MAP3K10: variants seen among roughly 807,000 people sequenced by gnomAD.
The protein encoded by MAP3K10 is mitogen-activated protein kinase kinase kinase 10, also known as MKN28 derived nonreceptor_type serine/threonine kinase.
Under a neutral mutation model 75.0 loss-of-function variants are expected in MAP3K10, and 22 were observed. The ratio of observed to expected loss-of-function variants is 0.29; its 90% CI spans 0.21 to 0.42. The LOEUF is 0.42. MAP3K10 is among the 10% of genes least tolerant of loss of function. The pLI, the probability that MAP3K10 is intolerant of heterozygous loss-of-function variation, is 1.00. For synonymous variants in MAP3K10, 599 were observed against 612.9 expected, an observed-to-expected ratio of 0.98 and a Z score of 0.34; for missense variants, 1,165 against 1,379.8, an observed-to-expected ratio of 0.84 and a Z score of 2.47.
In MAP3K10 at chr19:40,198,219, C is replaced by T. The variant is rs1419424346; in HGVS notation, c.683-156C>T. On this transcript the variant is annotated intron_variant, in intron 1 of 9. Transcript: ENST00000253055. The surrounding 1 kb of genome is among the most constrained non-coding windows in gnomAD (Gnocchi z 4.3). ...GGGATTAGACCTGGGCGGAGGGGCT[C>T]ATGGATGTTCCAGGCCAGGAAAGGA... Among the ~76,000 whole-genome samples, 1 of 152,136 alleles carries T rather than the reference C, an allele frequency of 6.6e-6. No individual in the cohort carries two copies. Among genetic ancestry groups the T allele is most frequent in the Non-Finnish European group, 1.5e-5 (1 of 68,024 alleles).
intron 9 of MAP3K10, 105 bp downstream of exon 9, chr19:40,214,326 GCTT>G (rs1024721730): frequency 1.4e-5 from 17 of 1,247,736 alleles, no homozygotes; most frequent in African/African-American, 1.6e-5. Context: ...GCCACCTCCT[GCTT>G]CTTGTGGAGG....
Position 40,198,346 on chromosome 19 carries a change from G to T in MAP3K10, c.683-29G>T. ...TGGGTCTGCGGCGTGGCAGGTCTGG[G>T]GTGACCCACCTTTCTTCCCACCCCA... On this transcript the variant is annotated intron_variant, in intron 1 of 9. Coordinates refer to ENST00000253055, the MANE Select transcript of MAP3K10 (RefSeq NM_002446.4). The surrounding 1 kb of genome is among the most constrained non-coding windows in gnomAD (Gnocchi z 4.3). 1 of 1,594,462 alleles carries T rather than the reference G, an allele frequency of 6.3e-7. No homozygotes were observed. Among genetic ancestry groups the T allele is most frequent in the Non-Finnish European group, 8.6e-7 (1 of 1,169,046 alleles).
chr19:40,207,488 C>T (rs1346663030), intron 5 of MAP3K10, among the ~76,000 whole-genome samples: 1 of 152,138 alleles, frequency 6.6e-6, no homozygotes, highest in East Asian at 1.9e-4. Flanking sequence ...GTAATCCCAG[C>T]ACTTTTTGGG....
chr19:40,213,003 C>A lies in MAP3K10; in HGVS notation c.1724+27C>A, dbSNP rs1265617793. 1.3e-6 allele frequency: 2 copies of A among 1,591,980 alleles called. No individual in the cohort carries two copies. The highest frequency in any genetic ancestry group is 1.1e-5 in the South Asian group (1 of 87,392). ...TGAGGTGTGGTGTGGTCATGCCCAC[C>A]CTGTGCCCAAGCCCCAGCTCCCAGG... is the stretch of plus-strand genomic sequence containing the variant. On this transcript the variant is annotated intron_variant, in intron 7 of 9. Coordinates refer to ENST00000253055, the MANE Select transcript of MAP3K10 (RefSeq NM_002446.4). This position sits in a 1 kb window ranked among gnomAD's most constrained non-coding sequence, Gnocchi z 5.7.
chr19:40,194,140 C>T (rs991861975), intron 1 of MAP3K10, among the ~76,000 whole-genome samples: 1 of 152,158 alleles, frequency 6.6e-6, no homozygotes, highest in African/African-American at 2.4e-5. Flanking sequence ...GTGGGTGCAT[C>T]ACCCGAGGTC....
In MAP3K10 at chr19:40,206,021, C is replaced by A. The variant is rs1409718146; in HGVS notation, c.1299C>A (p.Ile433=). 6.2e-6 allele frequency: 10 copies of A among 1,613,074 alleles called. No individual in the cohort carries two copies. Among genetic ancestry groups the A allele is most frequent in the Non-Finnish European group, 8.5e-6 (10 of 1,179,590 alleles). The stretch of plus-strand genomic sequence containing the variant: ...AGCTGGCAGAACGTGAGATGGACAT[C>A]GTGGAACGGGAGCTGCACCTGCTCA... ...EQELAEREMD[I]VERELHLLMC... Residue 433 remains isoleucine, a synonymous_variant, in exon 5 of 10, where the codon ATC becomes ATA. Transcript: ENST00000253055.
Position 40,198,601 on chromosome 19 carries a change from G to T in MAP3K10, c.863+46G>T. On this transcript the variant is annotated intron_variant, in intron 2 of 9. Coordinates refer to ENST00000253055, the MANE Select transcript of MAP3K10 (RefSeq NM_002446.4). This position sits in a 1 kb window ranked among gnomAD's most constrained non-coding sequence, Gnocchi z 4.3. ...GATGGCCTCTGGGGAGTAAGGGAGG[G>T]AGGAAGGGGTGAGGGCAGAGTGGGA... 6.4e-7 allele frequency: 1 copy of T among 1,557,758 alleles called. No individual in the cohort carries two copies. The highest frequency in any genetic ancestry group is 1.2e-5 in the South Asian group (1 of 84,590).
At position 40,205,896 on chromosome 19, in the gene MAP3K10, G is replaced by A. The variant is rs761572394; in HGVS notation, c.1189-15G>A. Reference sequence around the variant, plus strand: ...AGCTAAGCCCCTCCCCCCAGCCACCGCCTCTCCTTCCCAGGAGCTTCGGAG... The same window carrying A: ...AGCTAAGCCCCTCCCCCCAGCCACCACCTCTCCTTCCCAGGAGCTTCGGAG... On this transcript the variant is annotated splice_polypyrimidine_tract_variant and intron_variant, in intron 4 of 9. Coordinates refer to ENST00000253055, the MANE Select transcript of MAP3K10 (RefSeq NM_002446.4). This position sits in a 1 kb window ranked among gnomAD's most constrained non-coding sequence, Gnocchi z 4.3. 1.2e-5 allele frequency: 18 copies of A among 1,521,088 alleles called. No individual in the cohort carries two copies. The highest frequency in any genetic ancestry group is 8.4e-5 in the Admixed American group (4 of 47,634). The allele number at this position is 1,521,088 out of a possible 1,614,324, so 94.2% of individuals were successfully genotyped here.
intron 5 of MAP3K10, among the ~76,000 whole-genome samples, chr19:40,207,650 G>C (rs963738855): frequency 6.6e-6 from 1 of 152,004 alleles, no homozygotes; most frequent in Non-Finnish European, 1.5e-5. Context: ...CAGGAGAATC[G>C]CTTGAACCTG....
chr19:40,212,575 T>C lies in MAP3K10; in HGVS notation c.1553-230T>C, dbSNP rs1009954880. On this transcript the variant is annotated intron_variant, in intron 6 of 9. Coordinates refer to ENST00000253055, the MANE Select transcript of MAP3K10 (RefSeq NM_002446.4). This position sits in a 1 kb window ranked among gnomAD's most constrained non-coding sequence, Gnocchi z 4.2. ...GAAGAGGAGGGGAGGCTGGAGGAGT[T>C]GGCAGGGAACCGCTCATGGCCTTCA... 6.6e-6 allele frequency among the ~76,000 whole-genome samples: 1 copy of C among 152,112 alleles called. No homozygotes were observed. Among genetic ancestry groups the C allele is most frequent in the Admixed American group, 6.5e-5 (1 of 15,278 alleles).
In MAP3K10 at chr19:40,205,797, C is replaced by T. The variant is rs1218918704; in HGVS notation, c.1189-114C>T. On this transcript the variant is annotated intron_variant, in intron 4 of 9. Transcript: ENST00000253055. The surrounding 1 kb of genome is among the most constrained non-coding windows in gnomAD (Gnocchi z 4.3). ...GAGTCGGGTGGTGAAACCAGTGTAC[C>T]CCACAGCAAGGTACCCTTGTGTGAG... The T allele has an allele frequency of 6.7e-6, 8 of 1,195,880 alleles. No homozygotes were observed. Among genetic ancestry groups the T allele is most frequent in the Non-Finnish European group, 1.1e-6 (1 of 888,528 alleles). 74.1% of individuals were successfully genotyped at this position (1,195,880 alleles called of 1,614,324 possible).
At position 40,191,696 on chromosome 19, in the gene MAP3K10, C is replaced by A; in HGVS notation, c.-336C>A. 1 of 212,750 alleles carries A rather than the reference C, an allele frequency of 4.7e-6. No homozygotes were observed. The highest frequency in any genetic ancestry group is 9.2e-6 in the Non-Finnish European group (1 of 108,156). 13.2% of individuals were successfully genotyped at this position (212,750 alleles called of 1,614,324 possible). A position where few individuals can be genotyped will look rare whatever the true frequency, so the allele number is the denominator to read the frequency against. The stretch of plus-strand genomic sequence containing the variant: ...CGCGGGGAACGGGGACTGCCTGCCG[C>A]CCTCGCCCTCGTCCCCCACCGGCGG... On this transcript the variant is annotated 5_prime_UTR_variant, in exon 1 of 10. Transcript: ENST00000253055.
At chr19:40,203,226 C>T (rs555119710) in intron 2 of MAP3K10, among the ~76,000 whole-genome samples, 1 of 152,150 alleles carries the variant, frequency 6.6e-6, no homozygotes, top group South Asian at 2.1e-4. Flanking sequence ...GTAATCCCAG[C>T]TACTTGGGAG....
In MAP3K10 at chr19:40,204,829, G is replaced by A; in HGVS notation, c.1012+196G>A. 1.4e-6 allele frequency: 1 copy of A among 696,762 alleles called. No individual in the cohort carries two copies. The highest frequency in any genetic ancestry group is 2.0e-5 in the South Asian group (1 of 50,008). The allele number at this position is 696,762 out of a possible 1,614,324, so 43.2% of individuals were successfully genotyped here. ...ACATCCCAGCCCTTGTTTGGGCCAGGCCCAGAGCTCTCAGGACAACCTGTT... is the reference window on the plus strand; with the variant it reads ...ACATCCCAGCCCTTGTTTGGGCCAGACCCAGAGCTCTCAGGACAACCTGTT... On this transcript the variant is annotated intron_variant, in intron 3 of 9. Coordinates refer to ENST00000253055, the MANE Select transcript of MAP3K10 (RefSeq NM_002446.4). The surrounding 1 kb of genome is among the most constrained non-coding windows in gnomAD (Gnocchi z 4.3).
rs76108009 is a variant in MAP3K10, at chr19:40,198,226, G to A, written c.683-149G>A. Reference sequence around the variant, plus strand: ...GACCTGGGCGGAGGGGCTCATGGATGTTCCAGGCCAGGAAAGGACCTGCCA... The same window carrying A: ...GACCTGGGCGGAGGGGCTCATGGATATTCCAGGCCAGGAAAGGACCTGCCA... On this transcript the variant is annotated intron_variant, in intron 1 of 9. Coordinates refer to ENST00000253055, the MANE Select transcript of MAP3K10 (RefSeq NM_002446.4). This position sits in a 1 kb window ranked among gnomAD's most constrained non-coding sequence, Gnocchi z 4.3. 1.4e-4 allele frequency: 97 copies of A among 691,138 alleles called. 1 individual carries two copies. The East Asian group carries it at 2.7e-3, about 19-fold the overall frequency. 42.8% of individuals were successfully genotyped at this position (691,138 alleles called of 1,614,324 possible).
chr19:40,214,322 T>A (rs1973309144), intron 9 of MAP3K10, 101 bp downstream of exon 9: 1 of 1,275,548 alleles, frequency 7.8e-7, no homozygotes, highest in Non-Finnish European at 1.0e-6. Context: ...GGCAGCCACC[T>A]CCTGCTTCTT....
chr19:40,215,142 C>T lies in MAP3K10; in HGVS notation c.2715C>T (p.Gly905=), dbSNP rs777204752. 2.5e-5 allele frequency: 41 copies of T among 1,609,826 alleles called. No homozygotes were observed. The South Asian group carries it at 4.4e-4, about 17-fold the overall frequency. The change falls in exon 10 of 10, where the codon GGC becomes GGT. Residue 905 remains glycine, a synonymous_variant. Transcript: ENST00000253055. ...RLDPWKLVSF[G]RTLTISPPSR... ...ACCCCTGGAAACTGGTCTCCTTCGG[C>T]CGGACACTCACCATCTCGCCTCCCA...
chr19:40,197,855 G>A (rs901777637), intron 1 of MAP3K10, among the ~76,000 whole-genome samples: 1 of 150,820 alleles, frequency 6.6e-6, no homozygotes, highest in African/African-American at 2.4e-5. Context: ...TTTTTGAGAC[G>A]AGGTCTCACT....
chr19:40,205,514 C>G lies in MAP3K10; in HGVS notation c.1188+218C>G. 1.7e-6 allele frequency: 1 copy of G among 573,396 alleles called. No individual in the cohort carries two copies. Among genetic ancestry groups the G allele is most frequent in the South Asian group, 2.3e-5 (1 of 42,632 alleles). The allele number at this position is 573,396 out of a possible 1,614,324, so 35.5% of individuals were successfully genotyped here. A position where few individuals can be genotyped will look rare whatever the true frequency, so the allele number is the denominator to read the frequency against. On this transcript the variant is annotated intron_variant, in intron 4 of 9. Transcript: ENST00000253055. This position sits in a 1 kb window ranked among gnomAD's most constrained non-coding sequence, Gnocchi z 4.3. ...ACTTACAGGTGACACTGCATGATGT[C>G]TGGGGTTGGCTTTAAAATACTACAG...
Sources: allele counts gnomAD v4.1 joint callset (sites outside exome capture counted in the v4.1 genomes callset), GRCh38; gene constraint gnomAD v4.1.1; non-coding constraint Gnocchi (gnomAD v3.1); transcripts MANE v1.5; gene names NCBI Gene and HGNC (gene_info 2026-07-23, HGNC 2026-07-21).